ATOSA: variants seen among roughly 807,000 people sequenced by gnomAD.
The protein encoded by ATOSA is atos homolog protein A.
At chr15:52,658,477 G>A in the ATOSA span, 1 of 356,688 alleles carries the variant, frequency 2.8e-6, no homozygotes, top group African/African-American at 2.1e-5. Flanking sequence ...CACCATTTTA[G>A]ACCAGCAAGA....
At chr15:52,653,554 GAC>G in the ATOSA span, among the ~76,000 whole-genome samples, 4 of 152,158 alleles carry the variant, frequency 2.6e-5, no homozygotes, top group East Asian at 7.7e-4. Context: ...GCATGGTAGA[GAC>G]AGTAAGGAAT....
chr15:52,598,947 A>G, the ATOSA span, among the ~76,000 whole-genome samples: 1 of 152,054 alleles, frequency 6.6e-6, no homozygotes, highest in South Asian at 2.1e-4. Context: ...TCCTGCTCTC[A>G]CCATATGATG....
At chr15:52,585,078 T>A in the ATOSA span, 9 of 620,718 alleles carry the variant, frequency 1.4e-5, no homozygotes, top group African/African-American at 1.9e-5. Flanking sequence ...TTTCAAGGAC[T>A]AAAATTAACA....
chr15:52,659,935 A>G, the ATOSA span, among the ~76,000 whole-genome samples: 3 of 152,230 alleles, frequency 2.0e-5, no homozygotes, highest in African/African-American at 7.2e-5. Flanking sequence ...CCATTGTGAA[A>G]TAGGATTGGA....
the ATOSA span, among the ~76,000 whole-genome samples, chr15:52,599,498 AATT>A: frequency 6.6e-6 from 1 of 152,174 alleles, no homozygotes; most frequent in African/African-American, 2.4e-5. Flanking sequence ...ATAAAATTTT[AATT>A]ATTTTCTCCT....
At chr15:52,600,257 A>C in the ATOSA span, 1 of 1,433,368 alleles carries the variant, frequency 7.0e-7, no homozygotes, top group Non-Finnish European at 9.8e-7. Flanking sequence ...ACAAATCAGC[A>C]AAAGAACACA....
At chr15:52,649,417 C>G in the ATOSA span, 1 of 152,060 alleles carries the variant, frequency 6.6e-6, no homozygotes, top group African/African-American at 2.4e-5. Context: ...GATTGTTACC[C>G]CTTCCCAATC....
chr15:52,643,790 G>A, the ATOSA span, among the ~76,000 whole-genome samples: 2 of 151,926 alleles, frequency 1.3e-5, no homozygotes, highest in Non-Finnish European at 2.9e-5. Flanking sequence ...GCGTGTGCCT[G>A]TAATCCCAGC....
chr15:52,594,517 C>T, the ATOSA span, among the ~76,000 whole-genome samples: 1 of 152,088 alleles, frequency 6.6e-6, no homozygotes, highest in Non-Finnish European at 1.5e-5. Flanking sequence ...AAAAGAAATG[C>T]TACAAAGCCT....
At chr15:52,620,721 G>C in the ATOSA span, among the ~76,000 whole-genome samples, 1,444 of 152,154 alleles carry the variant, frequency 9.5e-3, 22 homozygotes, top group African/African-American at 0.033. Flanking sequence ...GGCTGAGGCA[G>C]GCTGATTGCT....
the ATOSA span, among the ~76,000 whole-genome samples, chr15:52,684,170 T>C: frequency 6.6e-6 from 1 of 152,222 alleles, no homozygotes; most frequent in East Asian, 1.9e-4. Context: ...TATAGTCATC[T>C]GTGGTTATTG....
chr15:52,603,889 G>C, the ATOSA span, among the ~76,000 whole-genome samples: 2 of 152,090 alleles, frequency 1.3e-5, no homozygotes, highest in African/African-American at 4.8e-5. Context: ...AACACTGTTG[G>C]ACACAATGAA....
chr15:52,635,703 A>G, the ATOSA span, among the ~76,000 whole-genome samples: 1 of 152,032 alleles, frequency 6.6e-6, no homozygotes, highest in African/African-American at 2.4e-5. Flanking sequence ...CTCAAAAAAA[A>G]TAAATCAAAA....
chr15:52,652,903 C>T, the ATOSA span, among the ~76,000 whole-genome samples: 2 of 152,104 alleles, frequency 1.3e-5, no homozygotes, highest in Non-Finnish European at 2.9e-5. Context: ...AGCAAAAATC[C>T]CTCCCCAGCT....
At chr15:52,605,487 C>T in the ATOSA span, among the ~76,000 whole-genome samples, 1 of 152,034 alleles carries the variant, frequency 6.6e-6, no homozygotes, top group African/African-American at 2.4e-5. Flanking sequence ...GTTAATCACC[C>T]CAAATGCAAA....
chr15:52,594,939 C>T, the ATOSA span, among the ~76,000 whole-genome samples: 3 of 152,210 alleles, frequency 2.0e-5, no homozygotes, highest in African/African-American at 7.2e-5. Context: ...TAGCACAGCA[C>T]TTAAGCTCCA....
At chr15:52,651,976 C>G in the ATOSA span, 2 of 1,533,106 alleles carry the variant, frequency 1.3e-6, no homozygotes, top group South Asian at 2.4e-5. Flanking sequence ...ACTGAGGGAT[C>G]CAGATGTCTG....
chr15:52,705,915 A>G, the ATOSA span, among the ~76,000 whole-genome samples: 3 of 152,248 alleles, frequency 2.0e-5, no homozygotes, highest in Non-Finnish European at 4.4e-5. Context: ...TATGTACAGT[A>G]GAAGTTTTTG....
At chr15:52,603,293 G>C in the ATOSA span, among the ~76,000 whole-genome samples, 1 of 152,102 alleles carries the variant, frequency 6.6e-6, no homozygotes, top group African/African-American at 2.4e-5. Flanking sequence ...TCTCACTCCA[G>C]TTACAATGAC....
Sources: gnomAD v4.1 joint callset for allele counts (sites outside exome capture counted in the v4.1 genomes callset) on GRCh38, gnomAD v4.1.1 for gene constraint, MANE v1.5 for transcripts, NCBI Gene and HGNC (gene_info 2026-07-23, HGNC 2026-07-21) for gene names.